The following ISYNA1 variants were observed in gnomAD, a reference collection of about 807,000 sequenced individuals.
ISYNA1 encodes MI-1-P synthase.
Under a neutral mutation model 50.3 loss-of-function variants are expected in ISYNA1, and 34 were observed. That is an observed-to-expected ratio of 0.68 (90% CI 0.51 to 0.90). The LOEUF is 0.90. Ranked by LOEUF, ISYNA1 falls within the 40% of genes least tolerant of loss-of-function variation. The probability of loss-of-function intolerance (pLI) is 0.00; values close to 1 mark genes in which losing one functional copy is unlikely to be tolerated. For synonymous variants in ISYNA1, 396 were observed against 349.9 expected, an observed-to-expected ratio of 1.13 and a Z score of -1.47; for missense variants, 718 against 784.8, an observed-to-expected ratio of 0.91 and a Z score of 1.02.
intron 4 of ISYNA1, 28 bp from the exon 5 acceptor site, chr19:18,436,905 C>T (rs1393685657): frequency 6.3e-7 from 1 of 1,598,238 alleles, no homozygotes; most frequent in Non-Finnish European, 8.5e-7. Flanking sequence ...CTCGGCCCTG[C>T]CCGGATCCTG....
At position 18,436,037 on chromosome 19, in the gene ISYNA1, G is replaced by T. The variant is rs146702127; in HGVS notation, c.970C>A (p.Leu324Ile). ...VLVDFLIGSG[L>I]KTMSIVSYNH... is the part of the protein sequence containing the mutation. Reference sequence around the variant, plus strand: ...AGCTCCCTAGGCCCACGCACCTTGAGGCCGGAGCCAATGAGGAAGTCCACA... The same window carrying T: ...AGCTCCCTAGGCCCACGCACCTTGATGCCGGAGCCAATGAGGAAGTCCACA... The change falls in exon 7 of 11, where the codon CTC (leucine) becomes ATC (isoleucine). Residue 324 changes from leucine (L) to isoleucine (I), a missense_variant. Around this residue, in one of 3 missense-constraint regions of ISYNA1, gnomAD observed 403 missense variants for 466.6 expected, o/e 0.86. Coordinates refer to ENST00000338128, the MANE Select transcript of ISYNA1 (RefSeq NM_016368.5). 1.6e-4 allele frequency: 251 copies of T among 1,613,390 alleles called. 2 individuals carry two copies. The African/African-American group carries it at 2.1e-3, about 14-fold the overall frequency.
At position 18,434,789 on chromosome 19, in the gene ISYNA1, C is replaced by T; in HGVS notation, c.*124G>A. 1.2e-6 allele frequency: 1 copy of T among 810,116 alleles called. No homozygotes were observed. Among genetic ancestry groups the T allele is most frequent in the Non-Finnish European group, 2.0e-6 (1 of 492,688 alleles). 50.2% of individuals were successfully genotyped at this position (810,116 alleles called of 1,614,324 possible). ...AGTAGAGGGAGGCAGAGTCAGGTCACAGGCCCCAAGAACCCCAGGTGGAAG... is the reference window on the plus strand; with the variant it reads ...AGTAGAGGGAGGCAGAGTCAGGTCATAGGCCCCAAGAACCCCAGGTGGAAG... On this transcript the variant is annotated 3_prime_UTR_variant, in exon 11 of 11. Coordinates refer to ENST00000338128, the MANE Select transcript of ISYNA1 (RefSeq NM_016368.5).
intron 10 of ISYNA1, 32 bp downstream of exon 10, chr19:18,435,234 C>T (rs1465397351): frequency 1.3e-6 from 2 of 1,599,516 alleles, no homozygotes; most frequent in Non-Finnish European, 1.7e-6. Context: ...GGTATCTGGG[C>T]CCCGGGCGGG....
At position 18,434,845 on chromosome 19, in the gene ISYNA1, G is replaced by A; in HGVS notation, c.*68C>T. ...CTGAGTGGCAGCGCCTTTATTTGTG[G>A]GGGCCTTCAAGGTAGGGTCGTGGGG... On this transcript the variant is annotated 3_prime_UTR_variant, in exon 11 of 11. Coordinates refer to ENST00000338128, the MANE Select transcript of ISYNA1 (RefSeq NM_016368.5). The A allele has an allele frequency of 7.5e-7, 1 of 1,338,608 alleles. No homozygotes were observed. Among genetic ancestry groups the A allele is most frequent in the Non-Finnish European group, 1.1e-6 (1 of 937,578 alleles). 82.9% of individuals were successfully genotyped at this position (1,338,608 alleles called of 1,614,324 possible). A position where few individuals can be genotyped will look rare whatever the true frequency, so the allele number is the denominator to read the frequency against.
chr19:18,437,925 C>T lies in ISYNA1; in HGVS notation c.55G>A (p.Glu19Lys), dbSNP rs1259514793. ...VESPDVVYGP[E>K]AIEAQYEYRT... ...TACTCGTATTGCGCCTCGATGGCCT[C>T]GGGGCCGTAGACCACGTCCGGGCTC... Residue 19 changes from glutamate (E) to lysine (K), a missense_variant, in exon 2 of 11, where the codon GAG becomes AAG. Coordinates refer to ENST00000338128, the MANE Select transcript of ISYNA1 (RefSeq NM_016368.5). The T allele has an allele frequency of 2.5e-6, 4 of 1,610,550 alleles. No individual in the cohort carries two copies. Among genetic ancestry groups the T allele is most frequent in the Non-Finnish European group, 2.5e-6 (3 of 1,179,314 alleles).
Position 18,437,902 on chromosome 19 carries a change from C to G in ISYNA1, c.78G>C (p.Glu26Asp). The part of the protein sequence containing the change: ...YGPEAIEAQY[E>D]YRTTRVSREG... ...CGCGGCTGACGCGCGTCGTCCGGTA[C>G]TCGTATTGCGCCTCGATGGCCTCGG... Residue 26 changes from glutamate (E) to aspartate (D), a missense_variant, in exon 2 of 11, where the codon GAG becomes GAC. Glu to Asp is a conservative substitution (Grantham distance 45). Around this residue, in one of 3 missense-constraint regions of ISYNA1, gnomAD observed 403 missense variants for 466.6 expected, o/e 0.86. Transcript: ENST00000338128. 6.2e-7 allele frequency: 1 copy of G among 1,612,054 alleles called. No homozygotes were observed. Among genetic ancestry groups the G allele is most frequent in the Non-Finnish European group, 8.5e-7 (1 of 1,179,770 alleles).
rs1188840322 is a variant in ISYNA1 at position 18,437,028 on chromosome 19, G to A, written c.360C>T (p.Phe120=). The A allele has an allele frequency of 6.2e-7, 1 of 1,609,214 alleles. No individual in the cohort carries two copies. The highest frequency in any genetic ancestry group is 1.7e-5 in the Admixed American group (1 of 59,824). The part of the protein sequence containing the change: ...LGLDAEGQEV[F]VPFSAVLPMV... ...TGGGCAGCACCGCGCTGAAGGGTAC[G>A]AACACCTCCTGGCCCTCGGCGTCCA... Residue 120 remains phenylalanine (F), a synonymous_variant, in exon 4 of 11, where the codon TTC becomes TTT. Coordinates refer to ENST00000338128, the MANE Select transcript of ISYNA1 (RefSeq NM_016368.5).
Position 18,436,983 on chromosome 19 carries a change from G to A in ISYNA1, c.405C>T (p.Leu135=), listed in dbSNP as rs977535109. The change falls in exon 4 of 11, where the codon CTC becomes CTT. Residue 135 remains leucine (L), a synonymous_variant. Coordinates refer to ENST00000338128, the MANE Select transcript of ISYNA1 (RefSeq NM_016368.5). ...AVLPMVAPND[L]VFDGWDISSL... ...CAGGGCTCCGCCCACCATCGAACACGAGGTCGTTGGGCGCCACCATGGGCA... is the reference window on the plus strand; with the variant it reads ...CAGGGCTCCGCCCACCATCGAACACAAGGTCGTTGGGCGCCACCATGGGCA... 6 of 1,378,420 alleles carry A rather than the reference G, an allele frequency of 4.4e-6. No individual in the cohort carries two copies. Among genetic ancestry groups the A allele is most frequent in the African/African-American group, 3.1e-5 (2 of 65,474 alleles). 85.4% of individuals were successfully genotyped at this position (1,378,420 alleles called of 1,614,324 possible).
chr19:18,436,004 C>A, intron 7 of ISYNA1, 28 bp downstream of exon 7: 1 of 1,612,814 alleles, frequency 6.2e-7, no homozygotes, highest in Non-Finnish European at 8.5e-7. Flanking sequence ...CCCCTTCCTG[C>A]ACTCGGCAGC....
In ISYNA1 at chr19:18,435,025, G is replaced by T. The variant is rs1973902659; in HGVS notation, c.1565C>A (p.Ala522Asp). The T allele has an allele frequency of 6.2e-7, 1 of 1,613,586 alleles. No individual in the cohort carries two copies. Among genetic ancestry groups the T allele is most frequent in the East Asian group, 2.2e-5 (1 of 44,878 alleles). ...CTTGTTCAACATAGGGTAGGTGGCAGCCACGGGTCCAACTCGCTTGAGGCT... is the reference window on the plus strand; with the variant it reads ...CTTGTTCAACATAGGGTAGGTGGCATCCACGGGTCCAACTCGCTTGAGGCT... The part of the protein sequence containing the change: ...GPSLKRVGPV[A>D]ATYPMLNKKG... Residue 522 changes from alanine to aspartate, a missense_variant, in exon 11 of 11, where the codon GCT becomes GAT. Coordinates refer to ENST00000338128, the MANE Select transcript of ISYNA1 (RefSeq NM_016368.5).
chr19:18,437,014 G>C lies in ISYNA1; in HGVS notation c.374C>G (p.Ala125Gly). 6.7e-7 allele frequency: 1 copy of C among 1,489,004 alleles called. No individual in the cohort carries two copies. The highest frequency in any genetic ancestry group is 1.1e-5 in the South Asian group (1 of 89,156). The allele number at this position is 1,489,004 out of a possible 1,614,324, so 92.2% of individuals were successfully genotyped here. ...GTTGGGCGCCACCATGGGCAGCACC[G>C]CGCTGAAGGGTACGAACACCTCCTG... is the stretch of plus-strand genomic sequence containing the variant. The part of the protein sequence containing the change: ...EGQEVFVPFS[A>G]VLPMVAPNDL... The change falls in exon 4 of 11, where the codon GCG (alanine) becomes GGG (glycine). Residue 125 changes from alanine (A) to glycine (G), a missense_variant. By Grantham distance (60) the Ala-to-Gly change is moderately conservative. This residue lies in a region of ISYNA1 where 403 missense variants were observed against 466.6 expected (regional missense o/e 0.86). Coordinates refer to ENST00000338128, the MANE Select transcript of ISYNA1 (RefSeq NM_016368.5).
rs746030986 is a variant in ISYNA1, at chr19:18,435,663, T to C, written c.1154A>G (p.Tyr385Cys). Residue 385 changes from tyrosine (Y) to cysteine (C), a missense_variant, in exon 9 of 11, where the codon TAT becomes TGT. Transcript: ENST00000338128. ...CTTGCTGTCACCCACGTACGGCACA[T>C]ACTTGATGACCACCTGGAGTGCAGC... Reference protein sequence around the residue: ...EEPDHCVVIKYVPYVGDSKRA... With the variant: ...EEPDHCVVIKCVPYVGDSKRA... 1 of 1,612,066 alleles carries C rather than the reference T, an allele frequency of 6.2e-7. No individual in the cohort carries two copies. Among genetic ancestry groups the C allele is most frequent in the Non-Finnish European group, 8.5e-7 (1 of 1,179,414 alleles).
rs903817483 is a variant in ISYNA1, at chr19:18,434,899, G to C, written c.*14C>G. 1.2e-6 allele frequency: 2 copies of C among 1,608,796 alleles called. No individual in the cohort carries two copies. Among genetic ancestry groups the C allele is most frequent in the Non-Finnish European group, 8.5e-7 (1 of 1,177,206 alleles). On this transcript the variant is annotated 3_prime_UTR_variant, in exon 11 of 11. Transcript: ENST00000338128. ...AGCGGGGAGGAAGAGCCGAGAAACT[G>C]TGTGACCGGGGCCTCAGGTGGTGGG...
intron 6 of ISYNA1, 25 bp downstream of exon 6, chr19:18,436,305 C>G (rs1156490890): frequency 6.2e-7 from 1 of 1,610,166 alleles, no homozygotes; most frequent in Admixed American, 1.7e-5. Context: ...CCTGCCTGAC[C>G]CGCTCCACCC....
In ISYNA1 at chr19:18,437,691, C is replaced by G; in HGVS notation, c.190G>C (p.Val64Leu). The part of the protein sequence containing the change: ...RQVPRLGVML[V>L]GWGGNNGSTL... ...GAGCCGTTGTTCCCGCCCCAGCCGA[C>G]AAGCATGACCCCGAGCCGGGGCACC... is the stretch of plus-strand genomic sequence containing the variant. Residue 64 changes from valine (V) to leucine (L), a missense_variant, in exon 3 of 11, where the codon GTC (valine) becomes CTC (leucine). Coordinates refer to ENST00000338128, the MANE Select transcript of ISYNA1 (RefSeq NM_016368.5). The G allele has an allele frequency of 6.4e-7, 1 of 1,551,240 alleles. No individual in the cohort carries two copies. The highest frequency in any genetic ancestry group is 8.7e-7 in the Non-Finnish European group (1 of 1,151,200).
rs771917347 is a variant in ISYNA1 at position 18,435,222 on chromosome 19, G to C, written c.1472+44C>G. On this transcript the variant is annotated intron_variant, in intron 10 of 10. Coordinates refer to ENST00000338128, the MANE Select transcript of ISYNA1 (RefSeq NM_016368.5). ...AAGCCCTGTGCATAGCTTAGCCAGG[G>C]GGGTATCTGGGCCCCGGGCGGGAAC... 5.6e-5 allele frequency: 90 copies of C among 1,597,634 alleles called. No homozygotes were observed. The African/African-American group carries it at 1.0e-3, about 18-fold the overall frequency.
chr19:18,436,674 G>A lies in ISYNA1; in HGVS notation c.609+10C>T, dbSNP rs1438304292. 2.0e-5 allele frequency: 32 copies of A among 1,574,684 alleles called. No homozygotes were observed. The highest frequency in any genetic ancestry group is 2.6e-5 in the Non-Finnish European group (30 of 1,161,860). ...TGGCAGGAAGCAAGGGATGCGGGAT[G>A]GGACAGCACCTGCTGCGCACGCGAG... On this transcript the variant is annotated intron_variant, in intron 5 of 10. Coordinates refer to ENST00000338128, the MANE Select transcript of ISYNA1 (RefSeq NM_016368.5).
Position 18,436,452 on chromosome 19 carries a change from C to G in ISYNA1, c.637G>C (p.Asp213His), listed in dbSNP as rs765285589. Residue 213 changes from aspartate (D) to histidine (H), a missense_variant, in exon 6 of 11, where the codon GAC becomes CAC. By Grantham distance (81) the Asp-to-His change is moderately conservative (BLOSUM62 -1). This residue lies in a region of ISYNA1 where 403 missense variants were observed against 466.6 expected (regional missense o/e 0.86). Transcript: ENST00000338128. ...TCCAGCCCCGCGCTAGACCGGAAGT[C>G]TCGGATGTCCCTGCGGATCTGCTCC... ...QLEQIRRDIR[D>H]FRSSAGLDKV... is the part of the protein sequence containing the mutation. 1.2e-6 allele frequency: 2 copies of G among 1,607,530 alleles called. No individual in the cohort carries two copies. Among genetic ancestry groups the G allele is most frequent in the East Asian group, 2.2e-5 (1 of 44,888 alleles).
rs762735088 is a variant in ISYNA1 at position 18,436,371 on chromosome 19, C to T, written c.718G>A (p.Gly240Ser). The change falls in exon 6 of 11, where the codon GGC (glycine) becomes AGC (serine). Residue 240 changes from glycine (G) to serine (S), a missense_variant. This residue lies in a region of ISYNA1 where 403 missense variants were observed against 466.6 expected (regional missense o/e 0.86). Transcript: ENST00000338128. ...AGGTTCTCGGCTGTGTCGTTGAGGC[C>T]TGGAATCACCTCACAGAAGCGCTCC... ...NTERFCEVIP[G>S]LNDTAENLLR... 2 of 1,612,472 alleles carry T rather than the reference C, an allele frequency of 1.2e-6. No homozygotes were observed. The highest frequency in any genetic ancestry group is 2.7e-5 in the African/African-American group (2 of 74,888).
Sources: gnomAD v4.1 joint callset for allele counts on GRCh38, gnomAD v4.1.1 for gene constraint, gnomAD v4.1.1 regional missense constraint, MANE v1.5 for transcripts, NCBI Gene and HGNC (gene_info 2026-07-23, HGNC 2026-07-21) for gene names.